The following C4orf51 variants were observed in gnomAD, a reference collection of about 807,000 sequenced individuals.
The protein encoded by C4orf51 is uncharacterized protein C4orf51.
Under a neutral mutation model 25.2 loss-of-function variants are expected in C4orf51, and 25 were observed. The observed-to-expected ratio is 0.99, with a 90% confidence interval of 0.72 to 1.39. C4orf51 has a LOEUF of 1.39. C4orf51 is among the 40% of genes most tolerant of loss of function. The pLI, the probability that C4orf51 is intolerant of heterozygous loss-of-function variation, is 0.00. For synonymous variants in C4orf51, 100 were observed against 84.5 expected (o/e 1.18, Z -1.01); for missense variants, 252 against 239.6 (o/e 1.05, Z -0.34).
rs956106102 is a variant in C4orf51, at chr4:145,761,127, C to T, written n.167-9861C>T. 3 of 1,289,500 alleles carry T rather than the reference C, an allele frequency of 2.3e-6. No individual in the cohort carries two copies. In the African/African-American group the frequency reaches 4.6e-5, roughly 20 times the overall value. 79.9% of individuals were successfully genotyped at this position (1,289,500 alleles called of 1,614,324 possible). A position where few individuals can be genotyped will look rare whatever the true frequency, so the allele number is the denominator to read the frequency against. Reference sequence around the variant, plus strand: ...AGCTCCCGACCACCAGGAGCGGGGCCCCCGGGCCGGCCGGTTCCTTGGGGG... The same window carrying T: ...AGCTCCCGACCACCAGGAGCGGGGCTCCCGGGCCGGCCGGTTCCTTGGGGG... On this transcript the variant is annotated intron_variant and non_coding_transcript_variant, in intron 1 of 1. Coordinates refer to the C4orf51 transcript ENST00000510096. This position sits in a 1 kb window ranked among gnomAD's most constrained non-coding sequence, Gnocchi z 6.8.
At chr4:145,730,899 AT>A (rs746971230) in intron 5 of C4orf51, among the ~76,000 whole-genome samples, 2 of 152,192 alleles carry the variant, frequency 1.3e-5, no homozygotes, top group Non-Finnish European at 2.9e-5. Flanking sequence ...CAACCAGTCT[AT>A]TTTAATGATG....
At chr4:145,717,176 TG>T (rs1731463708) in intron 2 of C4orf51, among the ~76,000 whole-genome samples, 1 of 151,356 alleles carries the variant, frequency 6.6e-6, no homozygotes, top group South Asian at 2.1e-4. Context: ...TGAAGTTGGG[TG>T]GGTGGGGGCA....
At chr4:145,764,126 T>TA (rs1734927066) in intron 1 of C4orf51, among the ~76,000 whole-genome samples, 1 of 152,260 alleles carries the variant, frequency 6.6e-6, no homozygotes, top group African/African-American at 2.4e-5. Context: ...AAGTAAAATG[T>TA]AATTTTTCAT....
At chr4:145,697,105 T>C (rs1730117874) in intron 2 of C4orf51, among the ~76,000 whole-genome samples, 1 of 151,520 alleles carries the variant, frequency 6.6e-6, no homozygotes, top group Non-Finnish European at 1.5e-5. Context: ...TAGCAATTTT[T>C]TTTTTTTTTT....
chr4:145,779,374 C>G, the C4orf51 span: 2 of 1,613,924 alleles, frequency 1.2e-6, no homozygotes, highest in African/African-American at 2.7e-5. Flanking sequence ...ACTCACTCAC[C>G]TGTGTGCAGC....
In C4orf51 at chr4:145,761,020, C is replaced by T; in HGVS notation, n.167-9968C>T. Reference sequence around the variant, plus strand: ...GAGTGCCAGGTTGGGCTCTGAGCTGCTGCCGTGGGCTGCCGACAGGGCCAC... The same window carrying T: ...GAGTGCCAGGTTGGGCTCTGAGCTGTTGCCGTGGGCTGCCGACAGGGCCAC... On this transcript the variant is annotated intron_variant and non_coding_transcript_variant, in intron 1 of 1. Coordinates refer to the C4orf51 transcript ENST00000510096. This position sits in a 1 kb window ranked among gnomAD's most constrained non-coding sequence, Gnocchi z 6.8. The T allele has an allele frequency of 3.1e-6, 4 of 1,278,330 alleles. No individual in the cohort carries two copies. Among genetic ancestry groups the T allele is most frequent in the Non-Finnish European group, 4.1e-6 (4 of 981,826 alleles). 79.2% of individuals were successfully genotyped at this position (1,278,330 alleles called of 1,614,324 possible).
intron 5 of C4orf51, among the ~76,000 whole-genome samples, chr4:145,730,629 TA>T (rs539733616): frequency 1.5e-4 from 23 of 151,810 alleles, no homozygotes; most frequent in African/African-American, 3.4e-4. Flanking sequence ...CTCTTTAACT[TA>T]AAAAAAACTC....
chr4:145,689,453 T>G (rs575088549), intron 1 of C4orf51, among the ~76,000 whole-genome samples: 2 of 151,926 alleles, frequency 1.3e-5, no homozygotes, highest in East Asian at 1.9e-4. Flanking sequence ...GTAAAAACTC[T>G]TACAAATTAA....
intron 2 of C4orf51, among the ~76,000 whole-genome samples, 165 bp downstream of exon 2, chr4:145,696,797 C>T (rs1730092197): frequency 6.6e-6 from 1 of 152,042 alleles, no homozygotes; most frequent in Non-Finnish European, 1.5e-5. Context: ...CTTCAGGAGG[C>T]CAAGGTGGGC....
At chr4:145,717,261 T>C (rs1288013974) in intron 2 of C4orf51, among the ~76,000 whole-genome samples, 3 of 152,120 alleles carry the variant, frequency 2.0e-5, no homozygotes, top group African/African-American at 7.2e-5. Flanking sequence ...TGCATTCCTA[T>C]CTCCTCTCCA....
At chr4:145,693,111 T>C (rs1257129894) in intron 1 of C4orf51, among the ~76,000 whole-genome samples, 2 of 146,264 alleles carry the variant, frequency 1.4e-5, no homozygotes, top group Admixed American at 1.4e-4. Flanking sequence ...GGGACAATAG[T>C]GGAGGGAAGG....
intron 2 of C4orf51, among the ~76,000 whole-genome samples, chr4:145,724,880 CA>C (rs1222983724): frequency 0.24 from 16,650 of 68,484 alleles, 564 homozygotes; most frequent in East Asian, 0.43. Context: ...AAGACTGTCT[CA>C]AAAAAAAAAA....
downstream of C4orf51, among the ~76,000 whole-genome samples, chr4:145,775,110 G>C (rs1028658177): frequency 6.6e-6 from 1 of 152,140 alleles, no homozygotes; most frequent in Admixed American, 6.5e-5. Flanking sequence ...TAGTAGCAAT[G>C]AAAGCACCTA....
rs369500625 is a variant in C4orf51 at position 145,732,407 on chromosome 4, C to A, written c.502-46C>A. Reference sequence around the variant, plus strand: ...AATTCCCAATTCTGTGGAAAAGTGACCTTTGCGGATGAGCGAGTGTTGACA... The same window carrying A: ...AATTCCCAATTCTGTGGAAAAGTGAACTTTGCGGATGAGCGAGTGTTGACA... On this transcript the variant is annotated intron_variant, in intron 5 of 5. Transcript: ENST00000438731. 1.7e-4 allele frequency: 213 copies of A among 1,223,956 alleles called. 1 individual carries two copies. Among genetic ancestry groups the A allele is most frequent in the Non-Finnish European group, 2.4e-4 (204 of 836,920 alleles). 75.8% of individuals were successfully genotyped at this position (1,223,956 alleles called of 1,614,324 possible).
In C4orf51 at chr4:145,703,693, A is replaced by G. The variant is rs547856909; in HGVS notation, c.307+7061A>G. 3.3e-5 allele frequency among the ~76,000 whole-genome samples: 5 copies of G among 152,204 alleles called. No individual in the cohort carries two copies. In the East Asian group the frequency reaches 9.6e-4, roughly 29 times the overall value. On this transcript the variant is annotated intron_variant, in intron 2 of 5. Coordinates refer to ENST00000438731, the MANE Select transcript of C4orf51 (RefSeq NM_001080531.3). ...ATTCACTACCAAGACCAATGTCAGA[A>G]AGCTTTCTCCCTATGTTGTCTAGGA... is the stretch of plus-strand genomic sequence containing the variant.
At chr4:145,696,807 C>T (rs965913530) in intron 2 of C4orf51, among the ~76,000 whole-genome samples, 175 bp downstream of exon 2, 1 of 152,014 alleles carries the variant, frequency 6.6e-6, no homozygotes, top group Non-Finnish European at 1.5e-5. Context: ...CCAAGGTGGG[C>T]GGATCACTTG....
rs377431134 is a variant in C4orf51, at chr4:145,729,245, A to G, written c.427+16A>G. The G allele has an allele frequency of 8.4e-6, 13 of 1,548,154 alleles. No homozygotes were observed. The African/African-American group carries it at 1.8e-4, about 21-fold the overall frequency. On this transcript the variant is annotated intron_variant, in intron 4 of 5. Transcript: ENST00000438731. ...GGAAAATACTGTAAGTCCCATCCTG[A>G]ACTACTACTTTACATCCATTTTCTG...
chr4:145,722,777 T>C (rs965285089), intron 2 of C4orf51, among the ~76,000 whole-genome samples: 2 of 152,134 alleles, frequency 1.3e-5, no homozygotes, highest in African/African-American at 4.8e-5. Context: ...CCACTCCCCA[T>C]GGTTGGCACT....
chr4:145,792,083 T>C, the C4orf51 span, among the ~76,000 whole-genome samples: 1 of 152,224 alleles, frequency 6.6e-6, no homozygotes, highest in Non-Finnish European at 1.5e-5. Context: ...GGCCTCAAGA[T>C]TTCTATGAGA....
Sources: allele counts gnomAD v4.1 joint callset (sites outside exome capture counted in the v4.1 genomes callset), GRCh38; gene constraint gnomAD v4.1.1; non-coding constraint Gnocchi (gnomAD v3.1); transcripts MANE v1.5; gene names NCBI Gene and HGNC (gene_info 2026-07-23, HGNC 2026-07-21).